Variants in FCHO2 observed in about 807,000 individuals in gnomAD.
The protein encoded by FCHO2 is F-BAR domain only protein 2.
Under a neutral mutation model 114.1 loss-of-function variants are expected in FCHO2, and 43 were observed. The observed-to-expected ratio is 0.38, with a 90% CI of 0.30 to 0.49. The LOEUF (loss-of-function observed/expected upper bound fraction) is 0.49. Among genes scored for constraint, FCHO2 ranks in the 20% least tolerant of loss-of-function variants. The probability of loss-of-function intolerance (pLI) is 0.97; values close to 1 mark genes in which losing one functional copy is unlikely to be tolerated. For missense variants in FCHO2, 807 were observed against 950.4 expected, an observed-to-expected ratio of 0.85 and a Z score of 1.98; for synonymous variants, 293 against 315.2, an observed-to-expected ratio of 0.93 and a Z score of 0.75.
At chr5:73,058,685 A>T (rs897569295) in intron 17 of FCHO2, among the ~76,000 whole-genome samples, 161 bp downstream of exon 17, 3 of 152,076 alleles carry the variant, frequency 2.0e-5, no homozygotes, top group Non-Finnish European at 4.4e-5. Flanking sequence ...TTGTTCTCTT[A>T]GATACTCTAT....
intron 5 of FCHO2, chr5:72,996,872 C>A: frequency 6.9e-7 from 1 of 1,443,864 alleles, no homozygotes; most frequent in African/African-American, 1.4e-5. Context: ...CACGGGGGCC[C>A]CCGGGGCCGG....
intron 17 of FCHO2, among the ~76,000 whole-genome samples, chr5:73,061,983 G>T (rs115239751): frequency 2.4e-4 from 36 of 152,032 alleles, no homozygotes; most frequent in South Asian, 2.1e-4. Context: ...ATAAAGAATG[G>T]TATGACAAGC....
intron 8 of FCHO2, among the ~76,000 whole-genome samples, chr5:73,033,212 T>A (rs1396188206): frequency 6.6e-6 from 1 of 151,916 alleles, no homozygotes; most frequent in African/African-American, 2.4e-5. Context: ...GTGATAAACA[T>A]TTTTTTTAGT....
At chr5:72,966,526 A>G (rs1752213059) in intron 1 of FCHO2, among the ~76,000 whole-genome samples, 1 of 152,332 alleles carries the variant, frequency 6.6e-6, no homozygotes, top group South Asian at 2.1e-4. Flanking sequence ...CTGTGGTTTT[A>G]TGTTATATTC....
intron 9 of FCHO2, 49 bp downstream of exon 9, chr5:73,034,750 A>G (rs1233525453): frequency 2.4e-5 from 35 of 1,440,680 alleles, no homozygotes; most frequent in Non-Finnish European, 3.1e-5. Context: ...GCTAGCTAGT[A>G]TCTTCTGTTC....
chr5:72,990,985 CA>C (rs1753779968), intron 5 of FCHO2, 121 bp downstream of exon 5: 1 of 1,131,184 alleles, frequency 8.8e-7, no homozygotes, highest in South Asian at 1.8e-5. Flanking sequence ...CTGTGCCTTA[CA>C]GTCCTAGTGA....
At chr5:73,017,155 C>G in intron 7 of FCHO2, 57 bp from the exon 8 acceptor site, 2 of 994,924 alleles carry the variant, frequency 2.0e-6, no homozygotes, top group Non-Finnish European at 2.9e-6. Flanking sequence ...TAAGTTTTAT[C>G]TGAAATACAC....
chr5:73,003,637 T>G (rs1754563036), intron 5 of FCHO2, among the ~76,000 whole-genome samples: 1 of 152,138 alleles, frequency 6.6e-6, no homozygotes, highest in Admixed American at 6.5e-5. Flanking sequence ...AAGCAATAAT[T>G]TAGTGAGCAG....
chr5:72,993,636 A>C (rs911134832), intron 5 of FCHO2, among the ~76,000 whole-genome samples: 15 of 152,202 alleles, frequency 9.9e-5, no homozygotes, highest in Non-Finnish European at 2.1e-4. Flanking sequence ...ATGGTTGGTA[A>C]GATAGCTTTT....
At chr5:73,013,656 A>C (rs1242269803) in intron 6 of FCHO2, among the ~76,000 whole-genome samples, 1 of 152,188 alleles carries the variant, frequency 6.6e-6, no homozygotes, top group Admixed American at 6.5e-5. Flanking sequence ...TCATTATTTC[A>C]GTATTTCTCA....
At chr5:72,976,361 G>A (rs1196159073) in intron 2 of FCHO2, among the ~76,000 whole-genome samples, 1 of 152,032 alleles carries the variant, frequency 6.6e-6, no homozygotes, top group Non-Finnish European at 1.5e-5. Context: ...TTATAGGTGT[G>A]AGCCACTGCA....
chr5:73,027,655 AAAAT>A (rs1369987066), intron 8 of FCHO2, among the ~76,000 whole-genome samples: 2 of 152,174 alleles, frequency 1.3e-5, no homozygotes, highest in African/African-American at 4.8e-5. Context: ...CACAAAGAAT[AAAAT>A]AAATAGCCAT....
In FCHO2 at chr5:73,081,997, C is replaced by T. The variant is rs573631470; in HGVS notation, c.2180+15C>T. On this transcript the variant is annotated intron_variant, in intron 23 of 25. Transcript: ENST00000430046. ...CCTGCAATATGGTAAATTAAACATACGTTTCTGAATTCCCACTAAATTTTT... is the reference window on the plus strand; with the variant it reads ...CCTGCAATATGGTAAATTAAACATATGTTTCTGAATTCCCACTAAATTTTT... 3.9e-5 allele frequency: 55 copies of T among 1,427,320 alleles called. No homozygotes were observed. The highest frequency in any genetic ancestry group is 1.5e-4 in the Admixed American group (6 of 40,160). The allele number at this position is 1,427,320 out of a possible 1,614,324, so 88.4% of individuals were successfully genotyped here.
At chr5:73,035,016 A>G (rs1756425271) in intron 9 of FCHO2, among the ~76,000 whole-genome samples, 1 of 152,170 alleles carries the variant, frequency 6.6e-6, no homozygotes, top group Non-Finnish European at 1.5e-5. Context: ...TTCCATGTTT[A>G]AGCCTTGTTA....
Position 73,088,391 on chromosome 5 carries a change from A to G in FCHO2, c.*301A>G. On this transcript the variant is annotated 3_prime_UTR_variant, in exon 26 of 26. Coordinates refer to ENST00000430046, the MANE Select transcript of FCHO2 (RefSeq NM_138782.3). ...AATTATTTCCAGTGTCTATGTTGAAAAAAAGGGTTATAGTGTAATATCAGG... is the reference window on the plus strand; with the variant it reads ...AATTATTTCCAGTGTCTATGTTGAAGAAAAGGGTTATAGTGTAATATCAGG... The G allele has an allele frequency of 2.7e-6, 1 of 367,094 alleles. No individual in the cohort carries two copies. Among genetic ancestry groups the G allele is most frequent in the Middle Eastern group, 8.1e-4 (1 of 1,232 alleles). The allele number at this position is 367,094 out of a possible 1,614,324, so 22.7% of individuals were successfully genotyped here.
chr5:73,027,295 A>G (rs914832956), intron 8 of FCHO2, among the ~76,000 whole-genome samples: 5 of 151,248 alleles, frequency 3.3e-5, no homozygotes, highest in Non-Finnish European at 5.9e-5. Flanking sequence ...TGCTATTTAT[A>G]ATTCATAAAA....
chr5:73,024,098 C>T (rs949885255), intron 8 of FCHO2, among the ~76,000 whole-genome samples: 1 of 151,642 alleles, frequency 6.6e-6, no homozygotes. Context: ...CTTGCTCTGT[C>T]ACCTAGGCTA....
chr5:73,039,493 T>A (rs1193080130), intron 10 of FCHO2, among the ~76,000 whole-genome samples: 1 of 152,186 alleles, frequency 6.6e-6, no homozygotes, highest in Non-Finnish European at 1.5e-5. Context: ...TCTAGAAGGA[T>A]TGGGTTATTA....
At chr5:72,983,615 C>T (rs2112650746) in intron 2 of FCHO2, among the ~76,000 whole-genome samples, 1 of 148,278 alleles carries the variant, frequency 6.7e-6, no homozygotes, top group South Asian at 2.1e-4. Context: ...TCTCAAACTC[C>T]TGTGCTCAAA....
Sources: allele counts gnomAD v4.1 joint callset (sites outside exome capture counted in the v4.1 genomes callset), GRCh38; gene constraint gnomAD v4.1.1; transcripts MANE v1.5; gene names NCBI Gene and HGNC (gene_info 2026-07-23, HGNC 2026-07-21).